Variants in MPPED2 observed in about 807,000 individuals in gnomAD.
MPPED2 encodes the protein metallophosphoesterase MPPED2.
A neutral mutation model predicts 33.0 loss-of-function variants in MPPED2; 5 were observed. The observed-to-expected ratio is 0.15, with a 90% CI of 0.08 to 0.32. MPPED2 has a LOEUF of 0.32. Among genes scored for constraint, MPPED2 ranks in the 10% least tolerant of loss-of-function variants. The pLI is 1.00. For synonymous variants in MPPED2, 136 were observed against 141.9 expected, an observed-to-expected ratio of 0.96 and a Z score of 0.29; for missense variants, 275 against 372.1, an observed-to-expected ratio of 0.74 and a Z score of 2.15.
At chr11:30,582,655 T>C (rs111657802) in intron 1 of MPPED2, among the ~76,000 whole-genome samples, 3,005 of 152,322 alleles carry the variant, frequency 0.02, 90 homozygotes, top group African/African-American at 0.065. Context: ...GTTAGCATGA[T>C]ACCCACCCAA....
In MPPED2 at chr11:30,410,826, G is replaced by GAAAC; in HGVS notation, c.*638_*641dup. ...TTTTTAAAGCTGAAATAATTTAAAA[G>GAAAC]AAACAAACAAACAATGAGACCTTGT... On this transcript the variant is annotated 3_prime_UTR_variant, in exon 7 of 7. Transcript: ENST00000358117. The GAAAC allele has an allele frequency of 2.0e-6, 2 of 985,644 alleles. No individual in the cohort carries two copies. The highest frequency in any genetic ancestry group is 2.4e-6 in the Non-Finnish European group (2 of 829,826). The allele number at this position is 985,644 out of a possible 1,614,324, so 61.1% of individuals were successfully genotyped here.
intron 2 of MPPED2, among the ~76,000 whole-genome samples, chr11:30,548,098 T>C (rs946995910): frequency 1.5e-4 from 23 of 152,360 alleles, no homozygotes; most frequent in African/African-American, 4.8e-4. Flanking sequence ...TACCTGGGTA[T>C]GACACTCTGG....
At chr11:30,541,899 T>C (rs959680657) in intron 2 of MPPED2, among the ~76,000 whole-genome samples, 1 of 152,184 alleles carries the variant, frequency 6.6e-6, no homozygotes, top group Non-Finnish European at 1.5e-5. Flanking sequence ...GCCCACTGAC[T>C]TTATCTCTAA....
At chr11:30,559,909 A>G (rs1430886600) in intron 2 of MPPED2, among the ~76,000 whole-genome samples, 6 of 152,230 alleles carry the variant, frequency 3.9e-5, no homozygotes, top group Non-Finnish European at 2.9e-5. Flanking sequence ...TAGTCTTCAC[A>G]TTATGCCAAA....
chr11:30,402,864 C>G (rs572532306), intron 6 of MPPED2, among the ~76,000 whole-genome samples: 1 of 152,344 alleles, frequency 6.6e-6, no homozygotes, highest in Non-Finnish European at 1.5e-5. Flanking sequence ...AACACAGATT[C>G]CATTCATAAG....
intron 3 of MPPED2, among the ~76,000 whole-genome samples, chr11:30,509,344 A>T (rs1341223236): frequency 9.2e-5 from 14 of 152,200 alleles, no homozygotes; most frequent in Non-Finnish European, 2.1e-4. Context: ...GAAGGGAATT[A>T]TTGCTGCATG....
chr11:30,552,016 G>A (rs764187487), intron 2 of MPPED2, among the ~76,000 whole-genome samples: 2 of 152,206 alleles, frequency 1.3e-5, no homozygotes, highest in Non-Finnish European at 2.9e-5. Context: ...ACTCCTTGAT[G>A]AAGTGTTCCA....
chr11:30,485,449 T>TAACATGTGTAACATTTACAC (rs1951690288), intron 4 of MPPED2, among the ~76,000 whole-genome samples: 1 of 75,386 alleles, frequency 1.3e-5, no homozygotes, highest in Non-Finnish European at 3.6e-5. Context: ...CATTTACACA[T>TAACATGTGTAACATTTACAC]GTTACACATA....
intron 4 of MPPED2, among the ~76,000 whole-genome samples, chr11:30,474,925 C>CA (rs1951112693): frequency 6.6e-6 from 1 of 152,030 alleles, no homozygotes; most frequent in African/African-American, 2.4e-5. Flanking sequence ...CACAACAAAA[C>CA]AAAAAACTGC....
chr11:30,559,247 C>T (rs914780133), intron 2 of MPPED2, among the ~76,000 whole-genome samples: 3 of 152,164 alleles, frequency 2.0e-5, no homozygotes, highest in Non-Finnish European at 4.4e-5. Flanking sequence ...AGGAACCCAA[C>T]GGGATCCCAG....
intron 4 of MPPED2, among the ~76,000 whole-genome samples, chr11:30,423,019 C>G (rs1590208302): frequency 6.6e-6 from 1 of 152,176 alleles, no homozygotes; most frequent in East Asian, 1.9e-4. Flanking sequence ...AGAACTTACT[C>G]CAAACAATGT....
At chr11:30,406,450 G>T (rs1003772072), downstream of MPPED2, among the ~76,000 whole-genome samples, 1 of 152,108 alleles carries the variant, frequency 6.6e-6, no homozygotes, top group African/African-American at 2.4e-5. Flanking sequence ...ACTTTACTGG[G>T]GCACCAGGGA....
intron 3 of MPPED2, among the ~76,000 whole-genome samples, chr11:30,505,957 G>A (rs758683397): frequency 6.6e-6 from 1 of 152,092 alleles, no homozygotes; most frequent in African/African-American, 2.4e-5. Flanking sequence ...CTTATGAAGT[G>A]GGTATGGGGA....
At position 30,440,578 on chromosome 11, in the gene MPPED2, T is replaced by G. The variant is rs368351260; in HGVS notation, c.537-22945A>C. Among the ~76,000 whole-genome samples, 25 of 152,272 alleles carry G rather than the reference T, an allele frequency of 1.6e-4. No individual in the cohort carries two copies. In the East Asian group the frequency reaches 4.8e-3, roughly 29 times the overall value. ...CAGCTGTAGGGCAGGTAATAGCCAT[T>G]TTACAGAGAAAAGAGAAGCTCAATG... On this transcript the variant is annotated intron_variant, in intron 4 of 6. Transcript: ENST00000358117.
intron 1 of MPPED2, among the ~76,000 whole-genome samples, chr11:30,581,888 C>T (rs550267443): frequency 7.2e-4 from 109 of 152,320 alleles, no homozygotes; most frequent in African/African-American, 2.5e-3. Flanking sequence ...GCATTTTAAA[C>T]AAAGTGTCAC....
At chr11:30,395,413 G>T (rs1947827692) in intron 6 of MPPED2, among the ~76,000 whole-genome samples, 1 of 152,166 alleles carries the variant, frequency 6.6e-6, no homozygotes. Flanking sequence ...TCCTAGGTCA[G>T]GTCAGGCTGA....
At chr11:30,428,447 G>A (rs908789046) in intron 4 of MPPED2, among the ~76,000 whole-genome samples, 13 of 152,312 alleles carry the variant, frequency 8.5e-5, no homozygotes, top group African/African-American at 2.9e-4. Flanking sequence ...GCTGAGGTGG[G>A]AGGATCCCTT....
intron 6 of MPPED2, among the ~76,000 whole-genome samples, chr11:30,412,864 G>A (rs1339368542): frequency 6.6e-6 from 1 of 152,184 alleles, no homozygotes; most frequent in African/African-American, 2.4e-5. Flanking sequence ...AAGATAAAAT[G>A]CAAACTCATA....
chr11:30,557,465 A>G (rs375784202), intron 2 of MPPED2, among the ~76,000 whole-genome samples: 11 of 152,134 alleles, frequency 7.2e-5, no homozygotes, highest in East Asian at 3.9e-4. Flanking sequence ...AAGGCAAATT[A>G]TTAGCTCTCA....
Sources: gnomAD v4.1 joint callset for allele counts (sites outside exome capture counted in the v4.1 genomes callset) on GRCh38, gnomAD v4.1.1 for gene constraint, MANE v1.5 for transcripts, NCBI Gene and HGNC (gene_info 2026-07-23, HGNC 2026-07-21) for gene names.